DLG2: variants seen among roughly 807,000 people sequenced by gnomAD.
DLG2 encodes disks large homolog 2.
DLG2 carries 45 observed loss-of-function variants against 132.5 expected under a neutral mutation model. The observed-to-expected ratio is 0.34, with a 90% CI of 0.27 to 0.44. DLG2 has a LOEUF of 0.44. Among genes scored for constraint, DLG2 ranks in the 20% least tolerant of loss-of-function variants. The probability of loss-of-function intolerance (pLI) is 1.00; values close to 1 mark genes in which losing one functional copy is unlikely to be tolerated. For synonymous variants in DLG2, 424 were observed against 419.6 expected (o/e 1.01, Z -0.13); for missense variants, 1,045 against 1,196.9 (o/e 0.87, Z 1.87).
intron 19 of DLG2, among the ~76,000 whole-genome samples, chr11:83,597,626 A>C (rs574616726): frequency 0.017 from 2,542 of 149,612 alleles, 48 homozygotes; most frequent in African/African-American, 0.046. Context: ...CTCTACCCCA[A>C]AAAAAAAAAA....
intron 6 of DLG2, among the ~76,000 whole-genome samples, chr11:84,987,177 T>A (rs1388237909): frequency 6.6e-6 from 1 of 151,920 alleles, no homozygotes; most frequent in African/African-American, 2.4e-5. Flanking sequence ...TGCGAAAAAT[T>A]AAAATACTTA....
At chr11:84,658,829 A>G (rs1336436082) in intron 6 of DLG2, among the ~76,000 whole-genome samples, 1 of 152,158 alleles carries the variant, frequency 6.6e-6, no homozygotes, top group Admixed American at 6.5e-5. Context: ...TAAGCCAAGT[A>G]ACCCTCTTTT....
chr11:84,279,904 T>A (rs983778002), intron 7 of DLG2, among the ~76,000 whole-genome samples: 4 of 152,182 alleles, frequency 2.6e-5, no homozygotes, highest in African/African-American at 4.8e-5. Flanking sequence ...ATTATCTTAG[T>A]AGGCACAGAA....
chr11:84,042,850 T>G (rs2096127800), intron 11 of DLG2, among the ~76,000 whole-genome samples: 2 of 151,532 alleles, frequency 1.3e-5, no homozygotes, highest in East Asian at 3.9e-4. Context: ...CATGGACACA[T>G]GGGGAAAAAC....
intron 21 of DLG2, among the ~76,000 whole-genome samples, chr11:83,502,567 C>T (rs1019742055): frequency 1.3e-5 from 2 of 152,102 alleles, no homozygotes; most frequent in African/African-American, 4.8e-5. Context: ...AAGTAATATG[C>T]TCATTTGCAG....
intron 6 of DLG2, among the ~76,000 whole-genome samples, chr11:84,784,366 A>AAATAAATAAATT (rs1555220726): frequency 3.1e-4 from 45 of 147,478 alleles, no homozygotes; most frequent in African/African-American, 9.4e-4. Context: ...ATAAATAAAT[A>AAATAAATAAATT]AATTAAACAA....
intron 7 of DLG2, among the ~76,000 whole-genome samples, chr11:84,307,207 T>C (rs2098229176): frequency 1.3e-5 from 2 of 152,172 alleles, no homozygotes; most frequent in Admixed American, 6.5e-5. Context: ...GCAACATAGA[T>C]GCAGCTGGAG....
chr11:83,998,879 G>T (rs1252434790), intron 11 of DLG2, among the ~76,000 whole-genome samples: 1 of 152,158 alleles, frequency 6.6e-6, no homozygotes, highest in Non-Finnish European at 1.5e-5. Context: ...CATAAGGAAG[G>T]TGTGGGCTAC....
chr11:84,659,253 AC>A (rs942961568), intron 6 of DLG2, among the ~76,000 whole-genome samples: 25 of 152,072 alleles, frequency 1.6e-4, no homozygotes, highest in African/African-American at 5.8e-4. Flanking sequence ...TTTTTTTTCA[AC>A]ACTTTTTAAA....
chr11:84,133,060 G>A (rs1367534110), intron 9 of DLG2, among the ~76,000 whole-genome samples: 1 of 152,038 alleles, frequency 6.6e-6, no homozygotes, highest in Non-Finnish European at 1.5e-5. Flanking sequence ...GTATTGAATA[G>A]TTGTAAAAAA....
intron 4 of DLG2, among the ~76,000 whole-genome samples, chr11:85,157,696 C>A (rs549981214): frequency 1.3e-5 from 2 of 152,250 alleles, no homozygotes; most frequent in Admixed American, 1.3e-4. Context: ...AAAGTCTTAT[C>A]TCCTGTAGAG....
chr11:83,463,755 C>T (rs945433710), intron 26 of DLG2, among the ~76,000 whole-genome samples: 2 of 152,240 alleles, frequency 1.3e-5, no homozygotes, highest in African/African-American at 2.4e-5. Context: ...GGCACCACTA[C>T]ACTCCAGCTT....
At chr11:84,241,696 T>C (rs536344458) in intron 8 of DLG2, among the ~76,000 whole-genome samples, 22 of 152,350 alleles carry the variant, frequency 1.4e-4, no homozygotes, top group Non-Finnish European at 2.8e-4. Context: ...CCTTCCTGTA[T>C]GCAGTATTTC....
intron 6 of DLG2, among the ~76,000 whole-genome samples, chr11:84,975,841 A>G (rs1767473377): frequency 6.6e-6 from 1 of 152,102 alleles, no homozygotes; most frequent in Non-Finnish European, 1.5e-5. Context: ...CTCACTCCCC[A>G]GATTTCGTTG....
chr11:84,800,813 A>G (rs1321335481), intron 6 of DLG2: 2 of 152,226 alleles, frequency 1.3e-5, no homozygotes, highest in Admixed American at 6.5e-5. Flanking sequence ...TATGCACAGA[A>G]TATTTTTTAA....
rs1003134761 is a variant in DLG2, at chr11:83,881,999, T to G, written c.1497-7511A>C. 2.4e-4 allele frequency among the ~76,000 whole-genome samples: 36 copies of G among 152,246 alleles called. No individual in the cohort carries two copies. In the East Asian group the frequency reaches 6.9e-3, roughly 29 times the overall value. On this transcript the variant is annotated intron_variant, in intron 15 of 27. Transcript: ENST00000376104. Reference sequence around the variant, plus strand: ...TCAAAAAATATTATAAAATAAAGAATTTTTCACTTAGTTCACTTTTAATTC... The same window carrying G: ...TCAAAAAATATTATAAAATAAAGAAGTTTTCACTTAGTTCACTTTTAATTC...
At chr11:83,706,929 A>G (rs151323433) in intron 18 of DLG2, among the ~76,000 whole-genome samples, 5 of 152,210 alleles carry the variant, frequency 3.3e-5, no homozygotes, top group Non-Finnish European at 2.9e-5. Context: ...GATTCTTCTA[A>G]CCCATATGGG....
intron 3 of DLG2, among the ~76,000 whole-genome samples, chr11:85,519,873 T>G (rs764084613): frequency 1.1e-4 from 17 of 152,132 alleles, no homozygotes; most frequent in Non-Finnish European, 2.4e-4. Flanking sequence ...ACAAGCTCTC[T>G]TCTCTTGTCT....
intron 6 of DLG2, among the ~76,000 whole-genome samples, chr11:84,875,345 T>C (rs1469377282): frequency 6.6e-6 from 1 of 152,074 alleles, no homozygotes; most frequent in Admixed American, 6.5e-5. Flanking sequence ...TGATAACTAA[T>C]TTCATGCAAA....
Sources: allele counts gnomAD v4.1 joint callset (sites outside exome capture counted in the v4.1 genomes callset), GRCh38; gene constraint gnomAD v4.1.1; transcripts MANE v1.5; gene names NCBI Gene and HGNC (gene_info 2026-07-23, HGNC 2026-07-21).